The following HOXA10 variants were observed in gnomAD, a reference collection of about 807,000 sequenced individuals.
HOXA10 encodes homeobox protein Hox-A10.
In HOXA10, 12 loss-of-function variants were observed where a neutral mutation model predicts 29.7. The ratio of observed to expected loss-of-function variants is 0.40; its 90% confidence interval spans 0.26 to 0.65. HOXA10 has a LOEUF of 0.65. HOXA10 is among the 30% of genes least tolerant of loss of function. The pLI is 0.37. For missense variants in HOXA10, 656 were observed against 585.9 expected, an observed-to-expected ratio of 1.12 and a Z score of -1.24; for synonymous variants, 327 against 280.7, an observed-to-expected ratio of 1.16 and a Z score of -1.65.
chr7:27,176,766 G>T (rs1783660838), upstream of HOXA10, among the ~76,000 whole-genome samples: 1 of 152,234 alleles, frequency 6.6e-6, no homozygotes, highest in Non-Finnish European at 1.5e-5. Flanking sequence ...GATAGTGGAG[G>T]CTATACAAAT....
chr7:27,179,609 C>A lies in HOXA10; in HGVS notation c.10+37G>T, dbSNP rs73683709. 1.3e-4 allele frequency: 98 copies of A among 774,300 alleles called. 1 individual carries two copies. In the African/African-American group the frequency reaches 1.5e-3, roughly 12 times the overall value. The allele number at this position is 774,300 out of a possible 1,614,324, so 48.0% of individuals were successfully genotyped here. A position where few individuals can be genotyped will look rare whatever the true frequency, so the allele number is the denominator to read the frequency against. On this transcript the variant is annotated intron_variant, in intron 1 of 1. Transcript: ENST00000396344. ...CATCGGCCACCTCCCCACTCCCGCCCCACCAGACTGAAATTGCTAAACTTG... is the reference window on the plus strand; with the variant it reads ...CATCGGCCACCTCCCCACTCCCGCCACACCAGACTGAAATTGCTAAACTTG...
rs1008002540 is a variant in HOXA10 at position 27,173,545 on chromosome 7, G to A, written c.762C>T (p.Pro254=). Reference sequence around the variant, plus strand: ...CATCGGCCGAGCCGGAGGCTAGCGCGGGCGGGAGATCGAAACCGCGCCCCG... The same window carrying A: ...CATCGGCCGAGCCGGAGGCTAGCGCAGGCGGGAGATCGAAACCGCGCCCCG... ...QPPGRGFDLP[P]ALASGSADAA... The change falls in exon 1 of 2, where the codon CCC becomes CCT. Residue 254 remains proline, a synonymous_variant. Transcript: ENST00000283921. 1 of 1,454,380 alleles carries A rather than the reference G, an allele frequency of 6.9e-7. No individual in the cohort carries two copies. Among genetic ancestry groups the A allele is most frequent in the Non-Finnish European group, 9.0e-7 (1 of 1,112,212 alleles). The allele number at this position is 1,454,380 out of a possible 1,614,324, so 90.1% of individuals were successfully genotyped here.
Position 27,173,449 on chromosome 7 carries a change from C to A in HOXA10, c.858G>T (p.Ser286=). Reference sequence around the variant, plus strand: ...ACGCGTGCGCCTCCTCGTCGCCCTGCGAGCCCCCGCCGCTGCCGCAAGCCA... The same window carrying A: ...ACGCGTGCGCCTCCTCGTCGCCCTGAGAGCCCCCGCCGCTGCCGCAAGCCA... ...PTLACGSGGG[S]QGDEEAHASS... The change falls in exon 1 of 2, where the codon TCG becomes TCT. Residue 286 remains serine, a synonymous_variant. Transcript: ENST00000283921. 1 of 1,529,816 alleles carries A rather than the reference C, an allele frequency of 6.5e-7. No homozygotes were observed. Among genetic ancestry groups the A allele is most frequent in the Non-Finnish European group, 8.8e-7 (1 of 1,141,094 alleles). The allele number at this position is 1,529,816 out of a possible 1,614,324, so 94.8% of individuals were successfully genotyped here.
rs1783519583 is a variant in HOXA10 at position 27,172,333 on chromosome 7, CCAAAAGTCATGA to C, written c.959-172_959-161del. 15 of 688,546 alleles carry C rather than the reference CCAAAAGTCATGA, an allele frequency of 2.2e-5. No homozygotes were observed. In the South Asian group the frequency reaches 2.6e-4, roughly 12 times the overall value. 42.7% of individuals were successfully genotyped at this position (688,546 alleles called of 1,614,324 possible). A position where few individuals can be genotyped will look rare whatever the true frequency, so the allele number is the denominator to read the frequency against. On this transcript the variant is annotated intron_variant, in intron 1 of 1. Coordinates refer to ENST00000283921, the MANE Select transcript of HOXA10 (RefSeq NM_018951.4). The stretch of plus-strand genomic sequence containing the variant: ...GGCTTGCTGAGAGCAAGCAGTTCCT[CCAAAAGTCATGA>C]CAAAAATTGAGTGGGCCTTCAATCT...
chr7:27,179,550 A>G, intron 1 of HOXA10: 1 of 728,056 alleles, frequency 1.4e-6, no homozygotes, highest in Non-Finnish European at 2.6e-6. Context: ...GTCACCCCAC[A>G]AACCCAGCCA....
Position 27,173,608 on chromosome 7 carries a change from C to T in HOXA10, c.699G>A (p.Ala233=). ...GGAACGGGCCAGCCCCGAGTTGCTG[C>T]GCGCCGCCGCCGCCGCTGCCATAGC... ...AKGYGSGGGG[A]QQLGAGPFPA... The change falls in exon 1 of 2, where the codon GCG becomes GCA. Residue 233 remains alanine (A), a synonymous_variant. Coordinates refer to ENST00000283921, the MANE Select transcript of HOXA10 (RefSeq NM_018951.4). 1 of 1,531,886 alleles carries T rather than the reference C, an allele frequency of 6.5e-7. No homozygotes were observed. The highest frequency in any genetic ancestry group is 8.8e-7 in the Non-Finnish European group (1 of 1,140,782). The allele number at this position is 1,531,886 out of a possible 1,614,324, so 94.9% of individuals were successfully genotyped here. A position where few individuals can be genotyped will look rare whatever the true frequency, so the allele number is the denominator to read the frequency against.
intron 1 of HOXA10, 71 bp from the exon 2 acceptor site, chr7:27,172,244 C>A: frequency 6.8e-7 from 1 of 1,460,930 alleles, no homozygotes; most frequent in Non-Finnish European, 9.6e-7. Flanking sequence ...GGGTGAATTG[C>A]CTCCGTTTCT....
rs776407524 is a variant in HOXA10 at position 27,173,490 on chromosome 7, G to A, written c.817C>T (p.Pro273Ser). Residue 273 changes from proline (P) to serine (S), a missense_variant, in exon 1 of 2, where the codon CCG (proline) becomes TCG (serine). Pro to Ser is a moderately conservative substitution (Grantham distance 74). Around this residue, in one of 2 missense-constraint regions of HOXA10, gnomAD observed 594 missense variants for 491.9 expected, o/e 1.21. Transcript: ENST00000283921. ...CCGCAAGCCAGCGTGGGGGGCGGCG[G>A]CGAATCGAGGGCTCGCTCCTTCCGG... ...AARKERALDS[P>S]PPPTLACGSG... 6 of 1,539,914 alleles carry A rather than the reference G, an allele frequency of 3.9e-6. No homozygotes were observed. In the African/African-American group the frequency reaches 5.6e-5, roughly 14 times the overall value.
In HOXA10 at chr7:27,173,267, G is replaced by T. The variant is rs1294204709; in HGVS notation, c.958+82C>A. On this transcript the variant is annotated intron_variant, in intron 1 of 1. Transcript: ENST00000283921. Reference sequence around the variant, plus strand: ...GGCCAAGGCCGGCCGGCTGCTGCGCGGGCTCCTAGTTTTCTGATCCTTCTC... The same window carrying T: ...GGCCAAGGCCGGCCGGCTGCTGCGCTGGCTCCTAGTTTTCTGATCCTTCTC... The T allele has an allele frequency of 1.4e-5, 22 of 1,585,946 alleles. No individual in the cohort carries two copies. The Admixed American group carries it at 3.9e-4, about 28-fold the overall frequency.
chr7:27,172,900 G>C lies in HOXA10; in HGVS notation c.958+449C>G, dbSNP rs918844321. On this transcript the variant is annotated intron_variant, in intron 1 of 1. Coordinates refer to ENST00000283921, the MANE Select transcript of HOXA10 (RefSeq NM_018951.4). The stretch of plus-strand genomic sequence containing the variant: ...GGGGATCGTAAACTCGAACTTCGCC[G>C]GTTAATGGGCTTATTTATTGGCGCT... 8.1e-5 allele frequency: 14 copies of C among 173,566 alleles called. No individual in the cohort carries two copies. In the South Asian group the frequency reaches 1.1e-3, roughly 13 times the overall value. 10.8% of individuals were successfully genotyped at this position (173,566 alleles called of 1,614,324 possible).
upstream of HOXA10, among the ~76,000 whole-genome samples, chr7:27,177,953 C>T (rs17472224): frequency 2.0e-5 from 3 of 152,306 alleles, no homozygotes; most frequent in African/African-American, 7.2e-5. Context: ...CCTATGGGGC[C>T]AAAGTAAACA....
chr7:27,174,332 G>A (rs1253394278), upstream of HOXA10: 1 of 1,597,036 alleles, frequency 6.3e-7, no homozygotes, highest in Non-Finnish European at 8.5e-7. Flanking sequence ...TGCTGAATAC[G>A]ATTAGCAATC....
chr7:27,171,624 A>G lies in HOXA10; in HGVS notation c.*275T>C, dbSNP rs1783491927. 2 of 584,422 alleles carry G rather than the reference A, an allele frequency of 3.4e-6. No individual in the cohort carries two copies. The highest frequency in any genetic ancestry group is 3.0e-5 in the South Asian group (2 of 65,634). The allele number at this position is 584,422 out of a possible 1,614,324, so 36.2% of individuals were successfully genotyped here. ...AGACAGCAAACCCAGCCCAGTCAGGACTTGACACTTAGGACAATATCTATC... is the reference window on the plus strand; with the variant it reads ...AGACAGCAAACCCAGCCCAGTCAGGGCTTGACACTTAGGACAATATCTATC... On this transcript the variant is annotated 3_prime_UTR_variant, in exon 2 of 2. Coordinates refer to ENST00000283921, the MANE Select transcript of HOXA10 (RefSeq NM_018951.4).
upstream of HOXA10, among the ~76,000 whole-genome samples, chr7:27,175,592 A>G (rs1783640053): frequency 6.6e-6 from 1 of 152,178 alleles, no homozygotes; most frequent in Admixed American, 6.5e-5. Flanking sequence ...CCAACTGGAA[A>G]TGGCCGGCCT....
At position 27,172,088 on chromosome 7, in the gene HOXA10, T is replaced by G; in HGVS notation, c.1044A>C (p.Thr348=). The G allele has an allele frequency of 6.2e-7, 1 of 1,613,988 alleles. No individual in the cohort carries two copies. Among genetic ancestry groups the G allele is most frequent in the Non-Finnish European group, 8.5e-7 (1 of 1,179,854 alleles). ...KKRCPYTKHQ[T]LELEKEFLFN... is the part of the protein sequence containing the mutation. ...ACAGAAACTCCTTCTCCAGCTCCAG[T>G]GTCTGGTGCTTCGTGTAGGGGCAGC... Residue 348 remains threonine (T), a synonymous_variant, in exon 2 of 2, where the codon ACA becomes ACC. Coordinates refer to ENST00000283921, the MANE Select transcript of HOXA10 (RefSeq NM_018951.4).
At position 27,171,728 on chromosome 7, in the gene HOXA10, CAA is replaced by C. The variant is rs1783494814; in HGVS notation, c.*169_*170del. On this transcript the variant is annotated 3_prime_UTR_variant, in exon 2 of 2. Transcript: ENST00000283921. ...CCAGCACCAAGCAAACACAAAGAAA[CAA>C]AAAGTCAGAACAAACCAGCCCTGCA... 1.3e-6 allele frequency: 1 copy of C among 782,926 alleles called. No individual in the cohort carries two copies. Among genetic ancestry groups the C allele is most frequent in the Non-Finnish European group, 2.3e-6 (1 of 435,016 alleles). The allele number at this position is 782,926 out of a possible 1,614,324, so 48.5% of individuals were successfully genotyped here.
chr7:27,173,422 C>T lies in HOXA10; in HGVS notation c.885G>A (p.Ser295=), dbSNP rs1376989631. ...GGGAGAGCTCCTCCGCGGCCGAGGACGACGCGTGCGCCTCCTCGTCGCCCT... is the reference window on the plus strand; with the variant it reads ...GGGAGAGCTCCTCCGCGGCCGAGGATGACGCGTGCGCCTCCTCGTCGCCCT... ...GSQGDEEAHA[S]SSAAEELSPA... Residue 295 remains serine (S), a synonymous_variant, in exon 1 of 2, where the codon TCG becomes TCA. Transcript: ENST00000283921. 2.5e-6 allele frequency: 4 copies of T among 1,606,174 alleles called. No homozygotes were observed. The highest frequency in any genetic ancestry group is 3.4e-6 in the Non-Finnish European group (4 of 1,178,076).
chr7:27,173,037 A>C, intron 1 of HOXA10: 4 of 434,972 alleles, frequency 9.2e-6, no homozygotes, highest in Non-Finnish European at 1.7e-5. Context: ...CTGGGCAGGG[A>C]CCAGGGCTCT....
At chr7:27,174,334 T>C, upstream of HOXA10, 1 of 1,596,992 alleles carries the variant, frequency 6.3e-7, no homozygotes, top group South Asian at 1.1e-5. Context: ...CTGAATACGA[T>C]TAGCAATCCC....
Sources: gnomAD v4.1 joint callset for allele counts (sites outside exome capture counted in the v4.1 genomes callset) on GRCh38, gnomAD v4.1.1 for gene constraint, gnomAD v4.1.1 regional missense constraint, MANE v1.5 for transcripts, NCBI Gene and HGNC (gene_info 2026-07-23, HGNC 2026-07-21) for gene names.